The following WWOX variants were observed in gnomAD, a reference collection of about 807,000 sequenced individuals.
WWOX encodes the protein WW domain containing oxidoreductase, also known as WW domain-containing oxidoreductase.
WWOX carries 69 observed loss-of-function variants against 46.2 expected under a neutral mutation model. The ratio of observed to expected loss-of-function variants is 1.49; its 90% CI spans 1.23 to 1.82. WWOX has a LOEUF of 1.82. Ranked by LOEUF, WWOX falls within the 40% of genes most tolerant of loss-of-function variation. The pLI is 0.00. For synonymous variants in WWOX, 359 were observed against 202.6 expected, an observed-to-expected ratio of 1.77 and a Z score of -6.56; for missense variants, 919 against 542.6, an observed-to-expected ratio of 1.69 and a Z score of -6.89.
intron 5 of WWOX, among the ~76,000 whole-genome samples, chr16:78,342,506 G>T (rs936226275): frequency 3.3e-5 from 4 of 120,208 alleles, no homozygotes; most frequent in African/African-American, 5.6e-5. Context: ...TTCCACTGGC[G>T]AGAGTGAGTC....
chr16:78,620,357 G>C (rs1338315340), intron 8 of WWOX, among the ~76,000 whole-genome samples: 10 of 152,160 alleles, frequency 6.6e-5, no homozygotes, highest in Admixed American at 6.5e-4. Context: ...TCAATCAGGT[G>C]CTTAGGTTTG....
chr16:78,973,547 TG>T (rs2046513363), intron 8 of WWOX, among the ~76,000 whole-genome samples: 1 of 152,196 alleles, frequency 6.6e-6, no homozygotes, highest in African/African-American at 2.4e-5. Flanking sequence ...ATTTTCTTTT[TG>T]CTTTCTTTTT....
At chr16:79,063,921 A>G (rs1467604865) in intron 8 of WWOX, among the ~76,000 whole-genome samples, 2 of 152,160 alleles carry the variant, frequency 1.3e-5, no homozygotes, top group Non-Finnish European at 1.5e-5. Flanking sequence ...TGGAGCAAAA[A>G]CTGGCAATTT....
At chr16:78,883,712 A>G (rs1448945394) in intron 8 of WWOX, among the ~76,000 whole-genome samples, 1 of 151,502 alleles carries the variant, frequency 6.6e-6, no homozygotes, top group Non-Finnish European at 1.5e-5. Context: ...CAACAGAGCA[A>G]GACTCTGTCT....
At chr16:78,838,658 A>G (rs1046922718) in intron 8 of WWOX, among the ~76,000 whole-genome samples, 5 of 152,166 alleles carry the variant, frequency 3.3e-5, no homozygotes, top group African/African-American at 1.2e-4. Context: ...CCTGACCAAT[A>G]TAGTGAAACC....
chr16:78,665,399 A>G (rs998999636), intron 8 of WWOX, among the ~76,000 whole-genome samples: 1 of 152,198 alleles, frequency 6.6e-6, no homozygotes, highest in Admixed American at 6.5e-5. Context: ...TTATTGAGTT[A>G]CTGAATATAA....
At chr16:78,133,780 C>G (rs1377343096) in intron 4 of WWOX, among the ~76,000 whole-genome samples, 1 of 152,218 alleles carries the variant, frequency 6.6e-6, no homozygotes, top group Non-Finnish European at 1.5e-5. Flanking sequence ...AACCTCCAGA[C>G]TGCATGTCAT....
At chr16:79,167,609 C>T (rs1039364144) in intron 8 of WWOX, among the ~76,000 whole-genome samples, 12 of 152,152 alleles carry the variant, frequency 7.9e-5, no homozygotes, top group African/African-American at 2.9e-4. Context: ...AGCGAATGCC[C>T]ACAGTGCCCA....
At chr16:78,793,992 C>G (rs1186079685) in intron 8 of WWOX, among the ~76,000 whole-genome samples, 1 of 152,090 alleles carries the variant, frequency 6.6e-6, no homozygotes, top group Non-Finnish European at 1.5e-5. Context: ...TAGCAAAGTT[C>G]TTAGTAACAC....
intron 8 of WWOX, among the ~76,000 whole-genome samples, chr16:78,887,921 G>T (rs1426020372): frequency 6.6e-6 from 1 of 152,138 alleles, no homozygotes; most frequent in African/African-American, 2.4e-5. Context: ...ATGAGGGGAT[G>T]AATTTTTCAT....
At chr16:78,428,411 C>G (rs139740017) in intron 7 of WWOX, among the ~76,000 whole-genome samples, 2 of 152,184 alleles carry the variant, frequency 1.3e-5, no homozygotes, top group South Asian at 2.1e-4. Context: ...GCTAATGAGA[C>G]TGTAAAAGTG....
At chr16:79,209,813 A>G (rs1482078291) in intron 8 of WWOX, among the ~76,000 whole-genome samples, 1 of 152,188 alleles carries the variant, frequency 6.6e-6, no homozygotes, top group African/African-American at 2.4e-5. Flanking sequence ...AACCCCTTGA[A>G]GTTGTTTAGA....
chr16:78,827,630 C>T (rs961028159), intron 8 of WWOX, among the ~76,000 whole-genome samples: 2 of 150,764 alleles, frequency 1.3e-5, no homozygotes, highest in African/African-American at 2.4e-5. Flanking sequence ...GTCAGGACTT[C>T]GAGACCAGCC....
intron 5 of WWOX, among the ~76,000 whole-genome samples, chr16:78,244,699 C>T (rs1253936541): frequency 2.0e-5 from 3 of 152,166 alleles, no homozygotes; most frequent in African/African-American, 7.2e-5. Flanking sequence ...CAGGGCTTAG[C>T]CTTCGAGCAG....
intron 8 of WWOX, among the ~76,000 whole-genome samples, chr16:78,716,532 G>A (rs781168903): frequency 6.6e-6 from 1 of 152,038 alleles, no homozygotes; most frequent in African/African-American, 2.4e-5. Flanking sequence ...CTCACTTTTG[G>A]GTCCCTATGT....
intron 8 of WWOX, among the ~76,000 whole-genome samples, chr16:78,874,277 C>A (rs892110721): frequency 1.3e-5 from 2 of 150,708 alleles, no homozygotes; most frequent in Non-Finnish European, 2.9e-5. Flanking sequence ...AAAAAGCTTC[C>A]ATTTGAGCCG....
chr16:78,534,525 T>C (rs1257074707), intron 8 of WWOX: 1 of 152,104 alleles, frequency 6.6e-6, no homozygotes, highest in Non-Finnish European at 1.5e-5. Flanking sequence ...AGTGACATTT[T>C]GGCATGACTG....
rs565397272 is a variant in WWOX at position 78,852,038 on chromosome 16, G to T, written c.1057-359570G>T. 2.0e-5 allele frequency among the ~76,000 whole-genome samples: 3 copies of T among 152,260 alleles called. No homozygotes were observed. The South Asian group carries it at 6.2e-4, about 32-fold the overall frequency. On this transcript the variant is annotated intron_variant, in intron 8 of 8. Coordinates refer to ENST00000566780, the MANE Select transcript of WWOX (RefSeq NM_016373.4). Reference sequence around the variant, plus strand: ...TAATACTGGCCCCACAATCAAGAGTGACTTGAACTGGGACATGTTTGTATT... The same window carrying T: ...TAATACTGGCCCCACAATCAAGAGTTACTTGAACTGGGACATGTTTGTATT...
rs369197579 is a variant in WWOX, at chr16:78,768,254, G to C, written c.1056+335502G>C. ...AAAAAGTTGGAGAGTGAAATCTCAA[G>C]CAAGCCAAAAAGTGATAGATGAGTT... On this transcript the variant is annotated intron_variant, in intron 8 of 8. Transcript: ENST00000566780. 1.7e-3 allele frequency among the ~76,000 whole-genome samples: 188 copies of C among 110,168 alleles called. 2 individuals are homozygous for C. The highest frequency in any genetic ancestry group is 6.1e-3 in the African/African-American group (187 of 30,466). 72.3% of individuals were successfully genotyped at this position (110,168 alleles called of 152,430 possible).
Sources: gnomAD v4.1 joint callset for allele counts (sites outside exome capture counted in the v4.1 genomes callset) on GRCh38, gnomAD v4.1.1 for gene constraint, MANE v1.5 for transcripts, NCBI Gene and HGNC (gene_info 2026-07-23, HGNC 2026-07-21) for gene names.